Variants in CDYL observed in about 807,000 individuals in gnomAD.
CDYL encodes chromodomain Y like, also known as chromodomain Y-like protein.
A neutral mutation model predicts 47.3 loss-of-function variants in CDYL; 8 were observed. The observed-to-expected ratio is 0.17, with a 90% CI of 0.10 to 0.31. The LOEUF is 0.31. Ranked by LOEUF, CDYL falls within the 10% of genes least tolerant of loss-of-function variation. The pLI is 1.00. For missense variants in CDYL, 471 were observed against 701.4 expected (o/e 0.67, Z 3.71); for synonymous variants, 266 against 265.0 (o/e 1.00, Z -0.04).
chr6:4,949,908 C>G (rs1471688078), intron 5 of CDYL, among the ~76,000 whole-genome samples: 2 of 152,190 alleles, frequency 1.3e-5, no homozygotes, highest in Admixed American at 6.5e-5. Flanking sequence ...CATTTTTGCT[C>G]TTGAGTAAAT....
chr6:4,838,600 G>T (rs767972371), intron 1 of CDYL, among the ~76,000 whole-genome samples: 1 of 152,100 alleles, frequency 6.6e-6, no homozygotes, highest in African/African-American at 2.4e-5. Flanking sequence ...AAATATAAAC[G>T]TGTGTGCAAG....
At chr6:4,819,408 G>A (rs575753493) in intron 1 of CDYL, among the ~76,000 whole-genome samples, 2 of 152,056 alleles carry the variant, frequency 1.3e-5, no homozygotes, top group African/African-American at 4.8e-5. Flanking sequence ...GGTGGCTGAG[G>A]GGTTTGCCCA....
chr6:4,810,818 C>G (rs993497413), intron 1 of CDYL, among the ~76,000 whole-genome samples: 2 of 152,192 alleles, frequency 1.3e-5, no homozygotes, highest in Non-Finnish European at 2.9e-5. Context: ...TTCATGAGGG[C>G]AGAGCCTTGT....
At chr6:4,742,275 G>A (rs1757810914) in intron 3 of CDYL, among the ~76,000 whole-genome samples, 1 of 151,702 alleles carries the variant, frequency 6.6e-6, no homozygotes, top group African/African-American at 2.4e-5. Flanking sequence ...AACTGATGGT[G>A]GGAGGGTCAT....
intron 1 of CDYL, among the ~76,000 whole-genome samples, chr6:4,820,540 TC>T (rs1354176761): frequency 6.6e-6 from 1 of 152,192 alleles, no homozygotes; most frequent in Non-Finnish European, 1.5e-5. Flanking sequence ...TCTTGGACCT[TC>T]GGGAGGCATC....
intron 3 of CDYL, among the ~76,000 whole-genome samples, chr6:4,760,089 GAA>G (rs1758151613): frequency 6.6e-6 from 1 of 151,616 alleles, no homozygotes; most frequent in African/African-American, 2.4e-5. Context: ...ACCTGGGGTT[GAA>G]ACAATCCTTT....
intron 1 of CDYL, among the ~76,000 whole-genome samples, chr6:4,708,709 A>G (rs1757092633): frequency 6.6e-6 from 1 of 152,234 alleles, no homozygotes; most frequent in African/African-American, 2.4e-5. Flanking sequence ...ACAGACATCC[A>G]TATAACCACC....
intron 1 of CDYL, among the ~76,000 whole-genome samples, chr6:4,793,297 G>A (rs1241627457): frequency 6.6e-6 from 1 of 152,188 alleles, no homozygotes; most frequent in Non-Finnish European, 1.5e-5. Context: ...CCTTCAAGGA[G>A]CTTTTATTCT....
intron 1 of CDYL, 115 bp downstream of exon 1, chr6:4,776,922 C>A: frequency 3.1e-6 from 1 of 321,986 alleles, no homozygotes; most frequent in Non-Finnish European, 4.5e-6. Flanking sequence ...CCTCCCCCGC[C>A]GCGGCCGCAG....
intron 1 of CDYL, among the ~76,000 whole-genome samples, chr6:4,845,601 G>GC (rs2127460972): frequency 6.6e-6 from 1 of 152,204 alleles, no homozygotes; most frequent in East Asian, 1.9e-4. Flanking sequence ...AATATTTTAC[G>GC]CTTTCTTGGC....
intron 2 of CDYL, among the ~76,000 whole-genome samples, chr6:4,897,172 C>T (rs763014207): frequency 9.2e-5 from 14 of 152,184 alleles, no homozygotes; most frequent in Non-Finnish European, 1.9e-4. Context: ...TAACTTTGTC[C>T]TTTCATGGAT....
At chr6:4,869,816 T>C (rs1761423880) in intron 1 of CDYL, among the ~76,000 whole-genome samples, 1 of 152,194 alleles carries the variant, frequency 6.6e-6, no homozygotes, top group Non-Finnish European at 1.5e-5. Context: ...ATTAATGCTT[T>C]ATACAATGTT....
chr6:4,724,799 C>T (rs1010258723), intron 2 of CDYL: 3 of 152,128 alleles, frequency 2.0e-5, no homozygotes, highest in African/African-American at 7.2e-5. Flanking sequence ...GCAGTGTGGA[C>T]TCAAAGAATT....
chr6:4,786,318 C>T (rs1317331438), intron 1 of CDYL, among the ~76,000 whole-genome samples: 3 of 152,130 alleles, frequency 2.0e-5, no homozygotes, highest in African/African-American at 4.8e-5. Flanking sequence ...CTCCAGAGAT[C>T]CTTGATTTAG....
In CDYL at chr6:4,935,609, T is replaced by G; in HGVS notation, c.786T>G (p.Ile262Met). 6.2e-7 allele frequency: 1 copy of G among 1,614,220 alleles called. No homozygotes were observed. Among genetic ancestry groups the G allele is most frequent in the Non-Finnish European group, 8.5e-7 (1 of 1,180,044 alleles). ...TGACTGCCAGCAAAAGGAAATTTAT[T>G]GACGACAGAAGAGACCAGCCTTTTG... ...TGVTASKRKFIDDRRDQPFDK... is the reference protein window; with the variant it reads ...TGVTASKRKFMDDRRDQPFDK... Residue 262 changes from isoleucine (I) to methionine (M), a missense_variant, in exon 3 of 7, where the codon ATT becomes ATG. Physicochemically the swap from Ile to Met is conservative, Grantham distance 10. Coordinates refer to ENST00000397588, the MANE Select transcript of CDYL (RefSeq NM_004824.4).
upstream of CDYL, among the ~76,000 whole-genome samples, chr6:4,774,108 C>T (rs1348473897): frequency 3.3e-5 from 5 of 152,160 alleles, no homozygotes; most frequent in Non-Finnish European, 7.3e-5. Context: ...AATGCCTAAG[C>T]TTGTGGATGT....
chr6:4,921,820 C>A (rs1757725493), intron 2 of CDYL, among the ~76,000 whole-genome samples: 2 of 151,420 alleles, frequency 1.3e-5, no homozygotes, highest in East Asian at 1.9e-4. Context: ...CAATTACATT[C>A]AAAAAATACT....
chr6:4,912,839 G>A (rs895125807), intron 2 of CDYL, among the ~76,000 whole-genome samples: 2 of 152,140 alleles, frequency 1.3e-5, no homozygotes. Context: ...GAAGCCACCA[G>A]TCGCACTCCC....
At chr6:4,913,014 C>G (rs998967044) in intron 2 of CDYL, among the ~76,000 whole-genome samples, 1 of 152,146 alleles carries the variant, frequency 6.6e-6, no homozygotes, top group East Asian at 1.9e-4. Context: ...AGTGACTTGC[C>G]GGTGAGGTGG....
Sources: allele counts gnomAD v4.1 joint callset (sites outside exome capture counted in the v4.1 genomes callset), GRCh38; gene constraint gnomAD v4.1.1; transcripts MANE v1.5; gene names NCBI Gene and HGNC (gene_info 2026-07-23, HGNC 2026-07-21).